The following PPARGC1A variants were observed in gnomAD, a reference collection of about 807,000 sequenced individuals.
PPARGC1A encodes PPARG coactivator 1 alpha.
PPARGC1A carries 25 observed loss-of-function variants against 88.7 expected under a neutral mutation model. The ratio of observed to expected loss-of-function variants is 0.28; its 90% CI spans 0.21 to 0.39. The LOEUF (loss-of-function observed/expected upper bound fraction) is 0.39, where lower values mean the gene tolerates loss of function less well. Among genes scored for constraint, PPARGC1A ranks in the 10% least tolerant of loss-of-function variants. The pLI, the probability that PPARGC1A is intolerant of heterozygous loss-of-function variation, is 1.00. For synonymous variants in PPARGC1A, 363 were observed against 355.6 expected, an observed-to-expected ratio of 1.02 and a Z score of -0.24; for missense variants, 880 against 968.7, an observed-to-expected ratio of 0.91 and a Z score of 1.22.
At chr4:24,438,502 T>C in the PPARGC1A span, among the ~76,000 whole-genome samples, 2 of 152,218 alleles carry the variant, frequency 1.3e-5, no homozygotes, top group African/African-American at 4.8e-5. Flanking sequence ...AATAATAATA[T>C]TGCAATATTT....
At chr4:24,398,632 A>G in the PPARGC1A span, among the ~76,000 whole-genome samples, 1 of 152,144 alleles carries the variant, frequency 6.6e-6, no homozygotes, top group African/African-American at 2.4e-5. Context: ...TCATTCTGCT[A>G]TTTGTGTTTC....
chr4:24,337,078 G>A, the PPARGC1A span, among the ~76,000 whole-genome samples: 1 of 152,158 alleles, frequency 6.6e-6, no homozygotes, highest in African/African-American at 2.4e-5. Context: ...ATTCCAAAAA[G>A]TTCGTGCTCT....
At chr4:23,825,794 A>C (rs1319148524) in intron 5 of PPARGC1A, among the ~76,000 whole-genome samples, 1 of 152,202 alleles carries the variant, frequency 6.6e-6, no homozygotes, top group African/African-American at 2.4e-5. Context: ...TCATATCTTC[A>C]ACAAATTAGA....
the PPARGC1A span, among the ~76,000 whole-genome samples, chr4:24,049,227 CATATATATAAATATAT>C: frequency 7.2e-6 from 1 of 138,258 alleles, no homozygotes; most frequent in Non-Finnish European, 1.6e-5. Flanking sequence ...TATATATATA[CATATATATAAATATAT>C]ATACACATAT....
At chr4:24,458,661 C>G in the PPARGC1A span, among the ~76,000 whole-genome samples, 1 of 152,306 alleles carries the variant, frequency 6.6e-6, no homozygotes, top group East Asian at 1.9e-4. Flanking sequence ...AGCTCTACTA[C>G]TGGGTATTAC....
chr4:23,864,666 T>A (rs1436294925), intron 2 of PPARGC1A, among the ~76,000 whole-genome samples: 1 of 152,184 alleles, frequency 6.6e-6, no homozygotes, highest in Non-Finnish European at 1.5e-5. Context: ...CCCCAAGGCT[T>A]GTGGTTTTAG....
At chr4:24,142,655 C>G in the PPARGC1A span, among the ~76,000 whole-genome samples, 1 of 151,030 alleles carries the variant, frequency 6.6e-6, no homozygotes, top group South Asian at 2.1e-4. Context: ...GCCTGGGTGA[C>G]AGAGTGAGGC....
At chr4:23,909,119 T>G in the PPARGC1A span, among the ~76,000 whole-genome samples, 1 of 152,144 alleles carries the variant, frequency 6.6e-6, no homozygotes, top group Admixed American at 6.5e-5. Flanking sequence ...ACAGATCTAA[T>G]TAATCTCCGA....
the PPARGC1A span, among the ~76,000 whole-genome samples, chr4:23,985,434 T>C: frequency 1.3e-5 from 2 of 151,306 alleles, no homozygotes; most frequent in East Asian, 3.9e-4. Flanking sequence ...CATAAGGAAG[T>C]TTCCAGGCCA....
At chr4:24,322,423 C>A in the PPARGC1A span, among the ~76,000 whole-genome samples, 1 of 152,362 alleles carries the variant, frequency 6.6e-6, no homozygotes, top group African/African-American at 2.4e-5. Context: ...GATGGTTCAT[C>A]TGGTAACACC....
chr4:24,405,068 G>C, the PPARGC1A span, among the ~76,000 whole-genome samples: 1 of 152,038 alleles, frequency 6.6e-6, no homozygotes, highest in African/African-American at 2.4e-5. Context: ...TACAATTTTT[G>C]CATGAATCAA....
At chr4:24,147,537 G>T in the PPARGC1A span, among the ~76,000 whole-genome samples, 26 of 152,212 alleles carry the variant, frequency 1.7e-4, no homozygotes, top group Non-Finnish European at 1.8e-4. Context: ...CCCTGGACAG[G>T]TCTGCCCATC....
chr4:24,179,284 TAAAA>T, the PPARGC1A span, among the ~76,000 whole-genome samples: 1 of 151,864 alleles, frequency 6.6e-6, no homozygotes, highest in African/African-American at 2.4e-5. Flanking sequence ...AAGTAAAAAA[TAAAA>T]AAGGCCATAA....
chr4:23,911,584 G>A, the PPARGC1A span, among the ~76,000 whole-genome samples: 81 of 152,234 alleles, frequency 5.3e-4, 1 homozygote, highest in Non-Finnish European at 3.5e-4. Context: ...TTGATAAACT[G>A]AGATAAACAA....
At chr4:23,994,612 T>C in the PPARGC1A span, among the ~76,000 whole-genome samples, 1 of 152,244 alleles carries the variant, frequency 6.6e-6, no homozygotes, top group Non-Finnish European at 1.5e-5. Flanking sequence ...AAAGCCCACA[T>C]TCCTTGCAAT....
the PPARGC1A span, among the ~76,000 whole-genome samples, chr4:23,930,214 A>C: frequency 6.6e-6 from 1 of 152,242 alleles, no homozygotes; most frequent in African/African-American, 2.4e-5. Context: ...CATGGCTTCA[A>C]GCAGGACAAA....
the PPARGC1A span, among the ~76,000 whole-genome samples, chr4:24,256,196 G>T: frequency 1.2e-4 from 18 of 152,216 alleles, no homozygotes; most frequent in African/African-American, 4.1e-4. Context: ...CTGACTCAGT[G>T]ACCCAGACAT....
At chr4:24,097,106 G>A in the PPARGC1A span, among the ~76,000 whole-genome samples, 1 of 152,100 alleles carries the variant, frequency 6.6e-6, no homozygotes, top group East Asian at 1.9e-4. Flanking sequence ...CAATGGGGAA[G>A]GGAGGGAAGG....
chr4:23,959,455 T>C, the PPARGC1A span, among the ~76,000 whole-genome samples: 1 of 152,100 alleles, frequency 6.6e-6, no homozygotes, highest in Admixed American at 6.6e-5. Context: ...ACCAGTATGA[T>C]TGCTAACTCT....
Sources: gnomAD v4.1 joint callset for allele counts (sites outside exome capture counted in the v4.1 genomes callset) on GRCh38, gnomAD v4.1.1 for gene constraint, MANE v1.5 for transcripts, NCBI Gene and HGNC (gene_info 2026-07-23, HGNC 2026-07-21) for gene names.